KRT23: variants seen among roughly 807,000 people sequenced by gnomAD.
The protein encoded by KRT23 is keratin, type I cytoskeletal 23.
A neutral mutation model predicts 47.6 loss-of-function variants in KRT23; 38 were observed. The observed-to-expected ratio is 0.80, with a 90% CI of 0.62 to 1.05. The LOEUF (loss-of-function observed/expected upper bound fraction) is 1.05. KRT23 is among the 50% of genes least tolerant of loss of function. The pLI is 0.00. For missense variants in KRT23, 503 were observed against 529.5 expected, an observed-to-expected ratio of 0.95 and a Z score of 0.49; for synonymous variants, 191 against 199.0, an observed-to-expected ratio of 0.96 and a Z score of 0.34.
Position 40,923,099 on chromosome 17 carries a change from T to A in KRT23, c.1175-16A>T. ...GTTGCAGACACTGAGAAAAAGAGCA[T>A]GGAAGATGTCACTGCCATGCTTCTT... On this transcript the variant is annotated splice_polypyrimidine_tract_variant and intron_variant, in intron 8 of 8. Transcript: ENST00000209718. 6.4e-7 allele frequency: 1 copy of A among 1,568,744 alleles called. No individual in the cohort carries two copies. Among genetic ancestry groups the A allele is most frequent in the Non-Finnish European group, 8.8e-7 (1 of 1,138,838 alleles).
rs1185877834 is a variant in KRT23 at position 40,936,285 on chromosome 17, A to G, written c.319T>C (p.Trp107Arg). The change falls in exon 2 of 9, where the codon TGG becomes CGG. Residue 107 changes from tryptophan (W) to arginine (R), a missense_variant. Trp to Arg is a moderately radical substitution (Grantham distance 101, BLOSUM62 -3). Coordinates refer to ENST00000209718, the MANE Select transcript of KRT23 (RefSeq NM_015515.5). ...CTGCCAGGATCTCTCTGCTGGTGCCATTTCAGGATGCGGCTTTCCAGCTTC... is the reference window on the plus strand; with the variant it reads ...CTGCCAGGATCTCTCTGCTGGTGCCGTTTCAGGATGCGGCTTTCCAGCTTC... ...NMKLESRILKWHQQRDPGSKK... is the reference protein window; with the variant it reads ...NMKLESRILKRHQQRDPGSKK... 3 of 1,614,182 alleles carry G rather than the reference A, an allele frequency of 1.9e-6. No individual in the cohort carries two copies. The highest frequency in any genetic ancestry group is 2.2e-5 in the East Asian group (1 of 44,872).
chr17:40,922,720 G>GCAT lies in KRT23; in HGVS notation c.*268_*269insATG. Reference sequence around the variant, plus strand: ...ATGCAGCTAGTGCGGAGTTTTATTGGCTACAAAATAGATGCAAAATGATGA... The same window carrying GCAT: ...ATGCAGCTAGTGCGGAGTTTTATTGGCATCTACAAAATAGATGCAAAATGATGA... On this transcript the variant is annotated 3_prime_UTR_variant, in exon 9 of 9. Coordinates refer to ENST00000209718, the MANE Select transcript of KRT23 (RefSeq NM_015515.5). 3.2e-6 allele frequency: 1 copy of GCAT among 313,432 alleles called. No individual in the cohort carries two copies. The highest frequency in any genetic ancestry group is 5.9e-6 in the Non-Finnish European group (1 of 170,930). 19.4% of individuals were successfully genotyped at this position (313,432 alleles called of 1,614,324 possible).
chr17:40,928,572 A>T lies in KRT23; in HGVS notation c.672T>A (p.Asn224Lys). Residue 224 changes from asparagine (N) to lysine (K), a missense_variant, in exon 5 of 9, where the codon AAT becomes AAA. Coordinates refer to ENST00000209718, the MANE Select transcript of KRT23 (RefSeq NM_015515.5). Reference protein sequence around the residue: ...MEKHHVPSDFNVNVKVDTGPR... With the variant: ...MEKHHVPSDFKVNVKVDTGPR... The stretch of plus-strand genomic sequence containing the variant: ...GACCTGTATCCACCTTCACATTGAC[A>T]TTGAAGTCACTTGGCACATGATGCT... 1 of 1,613,822 alleles carries T rather than the reference A, an allele frequency of 6.2e-7. No homozygotes were observed. The highest frequency in any genetic ancestry group is 8.5e-7 in the Non-Finnish European group (1 of 1,179,954).
intron 3 of KRT23, among the ~76,000 whole-genome samples, chr17:40,930,988 C>T (rs1909624119): frequency 1.4e-5 from 2 of 147,742 alleles, no homozygotes; most frequent in South Asian, 2.2e-4. Context: ...ATTTTAGATG[C>T]GGGTAATGGC....
intron 4 of KRT23, among the ~76,000 whole-genome samples, chr17:40,929,140 A>G (rs1202181554): frequency 6.6e-6 from 1 of 151,122 alleles, no homozygotes; most frequent in African/African-American, 2.5e-5. Context: ...ATGCTTCCAT[A>G]GTGTGCAAAG....
At chr17:40,934,850 GACATGTGTATTA>G (rs1909937502) in intron 2 of KRT23, among the ~76,000 whole-genome samples, 1 of 152,178 alleles carries the variant, frequency 6.6e-6, no homozygotes, top group Non-Finnish European at 1.5e-5. Context: ...GGATAGTGTT[GACATGTGTATTA>G]AATATCCAGC....
rs750245687 is a variant in KRT23 at position 40,936,330 on chromosome 17, C to T, written c.274G>A (p.Ala92Thr). ...AGCTTCATGTTGGCCTCCTCCAGGG[C>T]GCGAACCTTCTCCAGGTAGGAGGCC... ...RLASYLEKVRALEEANMKLES... is the reference protein window; with the variant it reads ...RLASYLEKVRTLEEANMKLES... The change falls in exon 2 of 9, where the codon GCC becomes ACC. Residue 92 changes from alanine (A) to threonine (T), a missense_variant. Coordinates refer to ENST00000209718, the MANE Select transcript of KRT23 (RefSeq NM_015515.5). 28 of 1,614,230 alleles carry T rather than the reference C, an allele frequency of 1.7e-5. No homozygotes were observed. Among genetic ancestry groups the T allele is most frequent in the Non-Finnish European group, 2.1e-5 (25 of 1,180,044 alleles).
intron 2 of KRT23, among the ~76,000 whole-genome samples, chr17:40,933,384 C>T (rs542921617): frequency 1.2e-4 from 19 of 152,212 alleles, no homozygotes; most frequent in African/African-American, 4.6e-4. Context: ...CCTCCAGACC[C>T]CTTATTCTTT....
chr17:40,931,724 G>A (rs943773179), intron 2 of KRT23, among the ~76,000 whole-genome samples: 2 of 152,138 alleles, frequency 1.3e-5, no homozygotes, highest in Admixed American at 1.3e-4. Flanking sequence ...GACAGGCTTG[G>A]ATTGATGCAA....
intron 3 of KRT23, among the ~76,000 whole-genome samples, chr17:40,930,662 G>A (rs888937898): frequency 1.3e-5 from 2 of 151,916 alleles, no homozygotes; most frequent in African/African-American, 4.8e-5. Context: ...TACTTGGGAG[G>A]CTGAGGCAGG....
chr17:40,931,253 G>A (rs966829320), intron 3 of KRT23, 120 bp downstream of exon 3: 96 of 673,634 alleles, frequency 1.4e-4, no homozygotes, highest in Middle Eastern at 5.1e-4. Flanking sequence ...CTCGTGATCC[G>A]CCCGCCTTGG....
intron 6 of KRT23, 47 bp from the exon 7 acceptor site, chr17:40,925,621 A>G: frequency 7.3e-7 from 1 of 1,375,230 alleles, no homozygotes; most frequent in Non-Finnish European, 1.0e-6. Context: ...GGCTTGATTG[A>G]GTCAATAACA....
In KRT23 at chr17:40,931,307, G is replaced by A. The variant is rs113765285; in HGVS notation, c.479+66C>T. On this transcript the variant is annotated intron_variant, in intron 3 of 8. Transcript: ENST00000209718. ...TTACAGGTGTGAGCCACCGCGCCCC[G>A]CCGAGTTTTCCTTTTGTAAAGCAAA... 4.1e-3 allele frequency: 5,149 copies of A among 1,255,164 alleles called. 163 individuals carry two copies. In the African/African-American group the frequency reaches 0.068, roughly 16 times the overall value. 77.8% of individuals were successfully genotyped at this position (1,255,164 alleles called of 1,614,324 possible).
intron 6 of KRT23, among the ~76,000 whole-genome samples, chr17:40,927,028 G>A (rs1258619326): frequency 7.2e-5 from 11 of 151,906 alleles, no homozygotes; most frequent in Admixed American, 7.2e-4. Context: ...CCTCCTCTTG[G>A]AACACATCCC....
chr17:40,934,857 G>A (rs1424370908), intron 2 of KRT23, among the ~76,000 whole-genome samples: 2 of 152,206 alleles, frequency 1.3e-5, no homozygotes, highest in Non-Finnish European at 2.9e-5. Context: ...GTTGACATGT[G>A]TATTAAATAT....
intron 6 of KRT23, among the ~76,000 whole-genome samples, chr17:40,927,131 C>A (rs1407880224): frequency 1.3e-5 from 2 of 152,214 alleles, no homozygotes; most frequent in African/African-American, 4.8e-5. Context: ...AGCAGCTCTT[C>A]ACCCTGGTGC....
intron 6 of KRT23, 72 bp from the exon 7 acceptor site, chr17:40,925,646 A>T: frequency 3.4e-6 from 4 of 1,168,856 alleles, no homozygotes; most frequent in Non-Finnish European, 5.0e-6. Flanking sequence ...ATTGTTGAGT[A>T]CTTAGCAGAT....
At position 40,936,388 on chromosome 17, in the gene KRT23, C is replaced by T. The variant is rs142531226; in HGVS notation, c.216G>A (p.Gly72=). The change falls in exon 2 of 9, where the codon GGG becomes GGA. Residue 72 remains glycine (G), a synonymous_variant. Coordinates refer to ENST00000209718, the MANE Select transcript of KRT23 (RefSeq NM_015515.5). ...GRSSPLLGGN[G]KATMQNLNDR... The stretch of plus-strand genomic sequence containing the variant: ...CGTTGAGATTCTGCATGGTGGCCTT[C>T]CCATTTCCGCCTAGTAGGGGGCTGC... 760 of 1,614,206 alleles carry T rather than the reference C, an allele frequency of 4.7e-4. No homozygotes were observed. Among genetic ancestry groups the T allele is most frequent in the Non-Finnish European group, 5.5e-4 (644 of 1,180,020 alleles).
rs371291648 is a variant in KRT23, at chr17:40,923,056, A to G, written c.1202T>C (p.Ile401Thr). Residue 401 changes from isoleucine (I) to threonine (T), a missense_variant, in exon 9 of 9, where the codon ATA becomes ACA. Transcript: ENST00000209718. ...KVSATPKIKA[I>T]TQETINGRLV... ...TCTTCCGTTGATGGTCTCCTGGGTT[A>G]TGGCCTTGATCTTTGGAGTTGCAGA... is the stretch of plus-strand genomic sequence containing the variant. 2.5e-6 allele frequency: 4 copies of G among 1,614,008 alleles called. No homozygotes were observed. The highest frequency in any genetic ancestry group is 3.4e-6 in the Non-Finnish European group (4 of 1,179,850).
Sources: gnomAD v4.1 joint callset for allele counts (sites outside exome capture counted in the v4.1 genomes callset) on GRCh38, gnomAD v4.1.1 for gene constraint, MANE v1.5 for transcripts, NCBI Gene and HGNC (gene_info 2026-07-23, HGNC 2026-07-21) for gene names.